Variants in ADGRB3 observed in about 807,000 individuals in gnomAD.
ADGRB3 encodes the protein brain-specific angiogenesis inhibitor 3.
In ADGRB3, 37 loss-of-function variants were observed where a neutral mutation model predicts 193.4. That is an observed-to-expected ratio of 0.19 (90% CI 0.15 to 0.25). ADGRB3 has a LOEUF of 0.25. Ranked by LOEUF, ADGRB3 falls within the 10% of genes least tolerant of loss-of-function variation. The probability of loss-of-function intolerance (pLI) is 1.00; values close to 1 mark genes in which losing one functional copy is unlikely to be tolerated. For synonymous variants in ADGRB3, 690 were observed against 644.2 expected, an observed-to-expected ratio of 1.07 and a Z score of -1.08; for missense variants, 1,637 against 1,852.9, an observed-to-expected ratio of 0.88 and a Z score of 2.14.
intron 10 of ADGRB3, among the ~76,000 whole-genome samples, chr6:68,991,492 C>CT (rs1769235570): frequency 6.6e-6 from 1 of 151,558 alleles, no homozygotes; most frequent in Admixed American, 6.6e-5. Context: ...CAGGTAAGAC[C>CT]TTTCTGAGAA....
At chr6:68,709,424 A>G (rs1765375037) in intron 3 of ADGRB3, among the ~76,000 whole-genome samples, 2 of 152,236 alleles carry the variant, frequency 1.3e-5, no homozygotes, top group Admixed American at 1.3e-4. Context: ...ATCCCTCACA[A>G]AAATGCATCA....
At chr6:68,983,155 T>C (rs1478578265) in intron 10 of ADGRB3, among the ~76,000 whole-genome samples, 1 of 152,130 alleles carries the variant, frequency 6.6e-6, no homozygotes, top group Admixed American at 6.6e-5. Flanking sequence ...CATATGATTG[T>C]GTTCCCTTGG....
chr6:68,827,950 G>A (rs539259737), intron 3 of ADGRB3, among the ~76,000 whole-genome samples: 86 of 152,196 alleles, frequency 5.7e-4, no homozygotes, highest in African/African-American at 2.0e-3. Flanking sequence ...ACTTCTCACA[G>A]ATCCAAGTTT....
chr6:68,894,197 T>C (rs1356025023), intron 3 of ADGRB3, among the ~76,000 whole-genome samples: 2 of 151,956 alleles, frequency 1.3e-5, no homozygotes, highest in African/African-American at 2.4e-5. Flanking sequence ...ATGGTATCTA[T>C]TGAATTTGAT....
chr6:68,950,055 G>A (rs1349638163), intron 6 of ADGRB3, among the ~76,000 whole-genome samples: 1 of 151,916 alleles, frequency 6.6e-6, no homozygotes, highest in Non-Finnish European at 1.5e-5. Context: ...AAAGCAAGAG[G>A]TTGTACTCTG....
chr6:68,812,084 A>C (rs2127376053), intron 3 of ADGRB3, among the ~76,000 whole-genome samples: 1 of 152,288 alleles, frequency 6.6e-6, no homozygotes, highest in East Asian at 1.9e-4. Context: ...GCAAAGAGAA[A>C]GGCATGAGTA....
chr6:68,988,210 A>G (rs1769134338), intron 10 of ADGRB3, among the ~76,000 whole-genome samples: 1 of 152,184 alleles, frequency 6.6e-6, no homozygotes. Context: ...AGTGGAATGG[A>G]TAAGATAACA....
chr6:68,897,049 A>G lies in ADGRB3; in HGVS notation c.758-33510A>G, dbSNP rs192795898. Among the ~76,000 whole-genome samples the G allele has an allele frequency of 3.9e-5, 6 of 152,280 alleles. No individual in the cohort carries two copies. The East Asian group carries it at 1.2e-3, about 29-fold the overall frequency. ...TCCTATTGTAGTCATGCTAAGGCAC[A>G]CTTAGGGATAAACCAAACAACTGAT... On this transcript the variant is annotated intron_variant, in intron 3 of 31. Transcript: ENST00000370598.
chr6:68,784,324 G>A (rs1399941254), intron 3 of ADGRB3, among the ~76,000 whole-genome samples: 1 of 152,056 alleles, frequency 6.6e-6, no homozygotes, highest in Admixed American at 6.6e-5. Context: ...TAGCCAAAAG[G>A]CTGAGAAGCG....
At chr6:68,645,662 G>A (rs755215404) in intron 3 of ADGRB3, among the ~76,000 whole-genome samples, 6 of 152,066 alleles carry the variant, frequency 3.9e-5, no homozygotes, top group Non-Finnish European at 7.4e-5. Flanking sequence ...CTCGATAAAT[G>A]TCAGTGCTCT....
intron 17 of ADGRB3, among the ~76,000 whole-genome samples, chr6:69,092,187 T>C (rs899999653): frequency 6.6e-6 from 1 of 152,214 alleles, no homozygotes; most frequent in Non-Finnish European, 1.5e-5. Context: ...TTTGTCATGA[T>C]CTTCACAGGC....
chr6:69,226,505 A>G (rs1452294845), intron 17 of ADGRB3, among the ~76,000 whole-genome samples: 1 of 152,234 alleles, frequency 6.6e-6, no homozygotes, highest in Non-Finnish European at 1.5e-5. Flanking sequence ...ATGGGCAAAA[A>G]TCAAATGGGA....
At chr6:68,874,393 G>A (rs984159439) in intron 3 of ADGRB3, among the ~76,000 whole-genome samples, 3 of 151,788 alleles carry the variant, frequency 2.0e-5, no homozygotes, top group African/African-American at 4.8e-5. Flanking sequence ...TTGAATTATG[G>A]GTTAAGAATT....
At chr6:68,912,290 C>T (rs951431840) in intron 3 of ADGRB3, among the ~76,000 whole-genome samples, 1 of 151,388 alleles carries the variant, frequency 6.6e-6, no homozygotes, top group African/African-American at 2.4e-5. Context: ...TCTACTGTGG[C>T]CTAATATTAA....
At chr6:68,894,552 C>T (rs183417687) in intron 3 of ADGRB3, among the ~76,000 whole-genome samples, 96 of 151,996 alleles carry the variant, frequency 6.3e-4, no homozygotes, top group Non-Finnish European at 8.8e-5. Flanking sequence ...TTCCCTTTAT[C>T]TGCCTCCCTT....
chr6:69,120,807 AG>A (rs1773658750), intron 17 of ADGRB3, among the ~76,000 whole-genome samples: 1 of 152,182 alleles, frequency 6.6e-6, no homozygotes, highest in Non-Finnish European at 1.5e-5. Context: ...TTTAAAACAT[AG>A]GTAATAAAGA....
intron 26 of ADGRB3, among the ~76,000 whole-genome samples, chr6:69,349,847 T>C (rs961727090): frequency 2.0e-5 from 3 of 152,246 alleles, no homozygotes; most frequent in Non-Finnish European, 4.4e-5. Flanking sequence ...ATTCAGGGTC[T>C]GATTTGCTCA....
intron 3 of ADGRB3, among the ~76,000 whole-genome samples, chr6:68,671,166 G>C (rs1331893611): frequency 1.3e-5 from 2 of 151,774 alleles, no homozygotes; most frequent in African/African-American, 2.4e-5. Context: ...GGGGAATCTA[G>C]GTTTTCCTAA....
At chr6:68,900,853 A>G (rs185569236) in intron 3 of ADGRB3, among the ~76,000 whole-genome samples, 27 of 152,280 alleles carry the variant, frequency 1.8e-4, no homozygotes, top group African/African-American at 6.3e-4. Context: ...TACTCTGTAT[A>G]TGAATTTGCC....
Sources: gnomAD v4.1 joint callset for allele counts (sites outside exome capture counted in the v4.1 genomes callset) on GRCh38, gnomAD v4.1.1 for gene constraint, MANE v1.5 for transcripts, NCBI Gene and HGNC (gene_info 2026-07-23, HGNC 2026-07-21) for gene names.